MRC2: variants seen among roughly 807,000 people sequenced by gnomAD.
MRC2 encodes C-type mannose receptor 2.
MRC2 carries 84 observed loss-of-function variants against 206.2 expected under a neutral mutation model. The observed-to-expected ratio is 0.41, with a 90% CI of 0.34 to 0.49. MRC2 has a LOEUF of 0.49. Ranked by LOEUF, MRC2 falls within the 20% of genes least tolerant of loss-of-function variation. The pLI, the probability that MRC2 is intolerant of heterozygous loss-of-function variation, is 0.31. For synonymous variants in MRC2, 798 were observed against 800.0 expected (o/e 1.00, Z 0.04); for missense variants, 1,676 against 2,001.5 (o/e 0.84, Z 3.10).
chr17:62,638,469 G>A (rs1350720805), intron 1 of MRC2, among the ~76,000 whole-genome samples: 3 of 152,198 alleles, frequency 2.0e-5, no homozygotes, highest in Non-Finnish European at 4.4e-5. Flanking sequence ...GCCGGGCGTG[G>A]TGGTTCATGC....
Position 62,680,712 on chromosome 17 carries a change from T to TCTGCCCCGGCC in MRC2, c.2474-82_2474-72dup. ...GCAGGCTCGCCTGCTGCCGCCTGGC[T>TCTGCCCCGGCC]CTGCCCCGGCCCTGCCGCGCCCGCC... On this transcript the variant is annotated intron_variant, in intron 16 of 29. Coordinates refer to ENST00000303375, the MANE Select transcript of MRC2 (RefSeq NM_006039.5). This position sits in a 1 kb window ranked among gnomAD's most constrained non-coding sequence, Gnocchi z 4.8. 7.2e-7 allele frequency: 1 copy of TCTGCCCCGGCC among 1,389,376 alleles called. No homozygotes were observed. The highest frequency in any genetic ancestry group is 9.3e-7 in the Non-Finnish European group (1 of 1,070,818). 86.1% of individuals were successfully genotyped at this position (1,389,376 alleles called of 1,614,324 possible).
rs147017131 is a variant in MRC2 at position 62,641,621 on chromosome 17, T to G, written c.118+13701T>G. ...CTGTTTATAGTAGCAAAAACAAAAA[T>G]GTACTTGGAAAGAGATATGGATAAA... is the stretch of plus-strand genomic sequence containing the variant. On this transcript the variant is annotated intron_variant, in intron 1 of 29. Coordinates refer to ENST00000303375, the MANE Select transcript of MRC2 (RefSeq NM_006039.5). Among the ~76,000 whole-genome samples the G allele has an allele frequency of 9.1e-4, 138 of 152,240 alleles. 2 individuals are homozygous for G. In the East Asian group the frequency reaches 0.023, roughly 25 times the overall value.
chr17:62,642,922 T>C (rs2088424791), intron 1 of MRC2, among the ~76,000 whole-genome samples: 2 of 152,054 alleles, frequency 1.3e-5, no homozygotes, highest in Admixed American at 1.3e-4. Flanking sequence ...TTCACAAAAT[T>C]GAATATTAGA....
chr17:62,643,661 G>T (rs2088438412), intron 1 of MRC2, among the ~76,000 whole-genome samples: 1 of 152,134 alleles, frequency 6.6e-6, no homozygotes, highest in Admixed American at 6.5e-5. Flanking sequence ...ATAAGCCAAT[G>T]GAAAATGTTT....
At chr17:62,659,502 C>T (rs942286450) in intron 1 of MRC2, among the ~76,000 whole-genome samples, 9 of 151,440 alleles carry the variant, frequency 5.9e-5, no homozygotes, top group East Asian at 1.9e-4. Flanking sequence ...GCAGAGATCG[C>T]GCCACTGCAC....
Position 62,666,388 on chromosome 17 carries a change from G to C in MRC2, c.695-67G>C. ...CCCCTACCTAGTGTAGCCTTTTGGT[G>C]GGGGAGGGTCTGCACTCCCGAGGGA... On this transcript the variant is annotated intron_variant, in intron 3 of 29. Transcript: ENST00000303375. The surrounding 1 kb of genome is among the most constrained non-coding windows in gnomAD (Gnocchi z 5.0). 3.1e-6 allele frequency: 5 copies of C among 1,606,850 alleles called. No individual in the cohort carries two copies. The highest frequency in any genetic ancestry group is 4.2e-6 in the Non-Finnish European group (5 of 1,177,400).
At chr17:62,642,821 A>G (rs1008961372) in intron 1 of MRC2, among the ~76,000 whole-genome samples, 6 of 152,196 alleles carry the variant, frequency 3.9e-5, no homozygotes, top group African/African-American at 1.4e-4. Context: ...TCATAGTAGC[A>G]TTATTCATAA....
In MRC2 at chr17:62,671,310, A is replaced by G. The variant is rs1459673095; in HGVS notation, c.1118-339A>G. Among the ~76,000 whole-genome samples, 1 of 151,856 alleles carries G rather than the reference A, an allele frequency of 6.6e-6. No individual in the cohort carries two copies. Among genetic ancestry groups the G allele is most frequent in the Non-Finnish European group, 1.5e-5 (1 of 67,968 alleles). ...GTTCTTGAACTACTGGGCTCAAGCA[A>G]TCCTCCAGCCTTAGCCTTCCAAAGT... On this transcript the variant is annotated intron_variant, in intron 6 of 29. Coordinates refer to ENST00000303375, the MANE Select transcript of MRC2 (RefSeq NM_006039.5). This position sits in a 1 kb window ranked among gnomAD's most constrained non-coding sequence, Gnocchi z 4.5.
At position 62,664,800 on chromosome 17, in the gene MRC2, G is replaced by A. The variant is rs533881472; in HGVS notation, c.371G>A (p.Arg124His). Reference sequence around the variant, plus strand: ...GCACTGAATCTTCGCTGGCATTGTCGTACACTGGGTGACCAGCTGTCCTTG... The same window carrying A: ...GCACTGAATCTTCGCTGGCATTGTCATACACTGGGTGACCAGCTGTCCTTG... Reference protein sequence around the residue: ...REALNLRWHCRTLGDQLSLLL... With the variant: ...REALNLRWHCHTLGDQLSLLL... Residue 124 changes from arginine to histidine, a missense_variant, in exon 2 of 30, where the codon CGT (arginine) becomes CAT (histidine). By Grantham distance (29) the Arg-to-His change is conservative. Transcript: ENST00000303375. The surrounding 1 kb of genome is among the most constrained non-coding windows in gnomAD (Gnocchi z 4.7). The A allele has an allele frequency of 4.3e-6, 7 of 1,613,864 alleles. No individual in the cohort carries two copies. Among genetic ancestry groups the A allele is most frequent in the African/African-American group, 4.0e-5 (3 of 75,060 alleles).
At position 62,672,172 on chromosome 17, in the gene MRC2, A is replaced by G. The variant is rs8072984; in HGVS notation, c.1461+20A>G. The G allele has an allele frequency of 0.088, 142,452 of 1,613,000 alleles. 7,634 individuals are homozygous for G. The highest frequency in any genetic ancestry group is 0.19 in the South Asian group (17,167 of 91,026). ...GGCCCGGTGAGATCTCCCTCTCCCTATCACAGGGCCACAAAATACACCCCC... is the reference window on the plus strand; with the variant it reads ...GGCCCGGTGAGATCTCCCTCTCCCTGTCACAGGGCCACAAAATACACCCCC... On this transcript the variant is annotated intron_variant, in intron 8 of 29. Coordinates refer to ENST00000303375, the MANE Select transcript of MRC2 (RefSeq NM_006039.5). This position sits in a 1 kb window ranked among gnomAD's most constrained non-coding sequence, Gnocchi z 4.5.
intron 20 of MRC2, among the ~76,000 whole-genome samples, chr17:62,686,161 A>T (rs190733394): frequency 6.6e-6 from 1 of 152,162 alleles, no homozygotes; most frequent in Non-Finnish European, 1.5e-5. Flanking sequence ...TCGCACTCCT[A>T]TGAGAATCTT....
chr17:62,675,261 C>T lies in MRC2; in HGVS notation c.1570-529C>T, dbSNP rs1464468293. ...GATGAGGCCCCCACCACACATACCA[C>T]ATCTGCTTCTCTTCTGCCTTGGCTC... On this transcript the variant is annotated intron_variant, in intron 9 of 29. Coordinates refer to ENST00000303375, the MANE Select transcript of MRC2 (RefSeq NM_006039.5). This position sits in a 1 kb window ranked among gnomAD's most constrained non-coding sequence, Gnocchi z 4.1. Among the ~76,000 whole-genome samples the T allele has an allele frequency of 6.6e-6, 1 of 152,144 alleles. No individual in the cohort carries two copies. Among genetic ancestry groups the T allele is most frequent in the Admixed American group, 6.5e-5 (1 of 15,278 alleles).
intron 8 of MRC2, among the ~76,000 whole-genome samples, chr17:62,673,780 G>A (rs2088855946): frequency 6.6e-6 from 1 of 152,120 alleles, no homozygotes; most frequent in Non-Finnish European, 1.5e-5. Context: ...AAAATGCTGG[G>A]ATTACAGGCA....
Position 62,690,691 on chromosome 17 carries a change from C to T in MRC2, c.3942C>T (p.Val1314=). 1 of 1,613,216 alleles carries T rather than the reference C, an allele frequency of 6.2e-7. No homozygotes were observed. Among genetic ancestry groups the T allele is most frequent in the Non-Finnish European group, 8.5e-7 (1 of 1,179,648 alleles). Reference sequence around the variant, plus strand: ...TGGATGAGATGGAGAATGTGTTTGTCTGGGAGCACCTGCAGAGCTATGAGG... The same window carrying T: ...TGGATGAGATGGAGAATGTGTTTGTTTGGGAGCACCTGCAGAGCTATGAGG... ...SILDEMENVF[V]WEHLQSYEGQ... is the part of the protein sequence containing the mutation. Residue 1314 remains valine (V), a synonymous_variant, in exon 27 of 30, where the codon GTC becomes GTT. Coordinates refer to ENST00000303375, the MANE Select transcript of MRC2 (RefSeq NM_006039.5).
intron 1 of MRC2, among the ~76,000 whole-genome samples, chr17:62,662,974 C>A (rs1302622146): frequency 6.6e-6 from 1 of 152,142 alleles, no homozygotes; most frequent in Admixed American, 6.5e-5. Context: ...ATCATTTCAA[C>A]ACATGAAAAG....
chr17:62,645,518 TA>T (rs1372286606), intron 1 of MRC2, among the ~76,000 whole-genome samples: 1,923 of 69,642 alleles, frequency 0.028, 57 homozygotes, highest in Non-Finnish European at 0.04. Context: ...TATATATATA[TA>T]TATATATATT....
chr17:62,641,178 G>A (rs1472900930), intron 1 of MRC2, among the ~76,000 whole-genome samples: 2 of 151,498 alleles, frequency 1.3e-5, no homozygotes, highest in Admixed American at 6.6e-5. Flanking sequence ...GAGAAAAATC[G>A]GCTGGGTGCG....
rs757285136 is a variant in MRC2 at position 62,671,631 on chromosome 17, C to T, written c.1118-18C>T. On this transcript the variant is annotated intron_variant, in intron 6 of 29. Transcript: ENST00000303375. This position sits in a 1 kb window ranked among gnomAD's most constrained non-coding sequence, Gnocchi z 4.5. ...GGGCGGCTCAGTCCCTGAGCAGCAGCCTCATGGGTCTCTGCAGACAGGTGG... is the reference window on the plus strand; with the variant it reads ...GGGCGGCTCAGTCCCTGAGCAGCAGTCTCATGGGTCTCTGCAGACAGGTGG... 1.9e-6 allele frequency: 3 copies of T among 1,547,686 alleles called. No homozygotes were observed. In the South Asian group the frequency reaches 3.7e-5, roughly 19 times the overall value.
chr17:62,677,887 T>TA (rs1222097330), intron 12 of MRC2, among the ~76,000 whole-genome samples: 3 of 151,876 alleles, frequency 2.0e-5, no homozygotes, highest in African/African-American at 7.3e-5. Flanking sequence ...CCATCTCTAC[T>TA]AAAATACAAA....
Sources: gnomAD v4.1 joint callset for allele counts (sites outside exome capture counted in the v4.1 genomes callset) on GRCh38, gnomAD v4.1.1 for gene constraint, Gnocchi (gnomAD v3.1) non-coding constraint, MANE v1.5 for transcripts, NCBI Gene and HGNC (gene_info 2026-07-23, HGNC 2026-07-21) for gene names.